Variants in PPL observed in about 807,000 individuals in gnomAD.
PPL encodes periplakin.
In PPL, 198 loss-of-function variants were observed where a neutral mutation model predicts 194.4. The observed-to-expected ratio is 1.02, with a 90% CI of 0.91 to 1.15. The LOEUF (loss-of-function observed/expected upper bound fraction) is 1.15. Among genes scored for constraint, PPL ranks in the 50% most tolerant of loss-of-function variants. PPL has a pLI of 0.00. For missense variants in PPL, 2,885 were observed against 2,294.8 expected (o/e 1.26, Z -5.25); for synonymous variants, 1,220 against 972.4 (o/e 1.25, Z -4.74).
Position 4,883,068 on chromosome 16 carries a change from T to G in PPL, c.*316A>C, listed in dbSNP as rs1596539115. On this transcript the variant is annotated 3_prime_UTR_variant, in exon 22 of 22. Coordinates refer to ENST00000345988, the MANE Select transcript of PPL (RefSeq NM_002705.5). The surrounding 1 kb of genome is among the most constrained non-coding windows in gnomAD (Gnocchi z 4.8). ...GTGGTTGGCTTGTCCTTCAGTGGTT[T>G]TCAGATTGTGTGCAGTTATCATGAG... The G allele has an allele frequency of 3.0e-6, 1 of 334,362 alleles. No homozygotes were observed. Among genetic ancestry groups the G allele is most frequent in the Non-Finnish European group, 5.6e-6 (1 of 178,194 alleles). 20.7% of individuals were successfully genotyped at this position (334,362 alleles called of 1,614,324 possible).
At chr16:4,922,137 C>G (rs1451125765) in intron 1 of PPL, among the ~76,000 whole-genome samples, 2 of 152,214 alleles carry the variant, frequency 1.3e-5, no homozygotes, top group Non-Finnish European at 2.9e-5. Flanking sequence ...CAAAGCCAGA[C>G]AGCCCGGGGT....
chr16:4,907,003 G>T (rs1411634294), intron 2 of PPL, among the ~76,000 whole-genome samples: 16 of 151,306 alleles, frequency 1.1e-4, no homozygotes, highest in African/African-American at 3.9e-4. Context: ...CCAGCACTCT[G>T]CGAGGCCCAG....
chr16:4,913,485 C>A (rs1431198696), intron 1 of PPL, among the ~76,000 whole-genome samples: 2 of 152,178 alleles, frequency 1.3e-5, no homozygotes, highest in Non-Finnish European at 2.9e-5. Context: ...CAGAATAAGT[C>A]TGAACAAAGG....
intron 12 of PPL, chr16:4,893,846 A>G: frequency 3.5e-6 from 2 of 576,004 alleles, no homozygotes; most frequent in Non-Finnish European, 6.2e-6. Flanking sequence ...TTTCGTAGGA[A>G]GTCTCACTAC....
At chr16:4,930,273 C>A (rs1045360801) in intron 1 of PPL, among the ~76,000 whole-genome samples, 11 of 152,174 alleles carry the variant, frequency 7.2e-5, no homozygotes, top group African/African-American at 2.7e-4. Flanking sequence ...TCCTTTATCT[C>A]ACTATCACTC....
At chr16:4,936,513 G>C (rs1479572662) in intron 1 of PPL, among the ~76,000 whole-genome samples, 3 of 152,226 alleles carry the variant, frequency 2.0e-5, no homozygotes, top group Middle Eastern at 3.2e-3. Flanking sequence ...CCCGACGCCA[G>C]CTCAGTTTCC....
At chr16:4,894,012 T>C (rs756635896) in intron 12 of PPL, among the ~76,000 whole-genome samples, 6 of 152,138 alleles carry the variant, frequency 3.9e-5, no homozygotes, top group Non-Finnish European at 8.8e-5. Context: ...ACCAGGTACT[T>C]AACTAGGCCC....
At chr16:4,909,786 C>A (rs111622842) in intron 2 of PPL, among the ~76,000 whole-genome samples, 1 of 152,198 alleles carries the variant, frequency 6.6e-6, no homozygotes, top group African/African-American at 2.4e-5. Context: ...TACAGATCAC[C>A]ACTTACACTT....
chr16:4,917,382 T>C (rs1457060887), intron 1 of PPL, among the ~76,000 whole-genome samples: 1 of 152,156 alleles, frequency 6.6e-6, no homozygotes, highest in Non-Finnish European at 1.5e-5. Context: ...GAGAATGTTA[T>C]GCTCAGTGAG....
Position 4,885,180 on chromosome 16 carries a change from A to C in PPL, c.3475T>G (p.Trp1159Gly), listed in dbSNP as rs762357647. 3 of 1,613,812 alleles carry C rather than the reference A, an allele frequency of 1.9e-6. No individual in the cohort carries two copies. The highest frequency in any genetic ancestry group is 2.7e-5 in the African/African-American group (2 of 74,924). The change falls in exon 22 of 22, where the codon TGG (tryptophan) becomes GGG (glycine). Residue 1159 changes from tryptophan to glycine, a missense_variant. Coordinates refer to ENST00000345988, the MANE Select transcript of PPL (RefSeq NM_002705.5). This position sits in a 1 kb window ranked among gnomAD's most constrained non-coding sequence, Gnocchi z 6.3. ...REKTELLRKIWALEEENAKVV... is the reference protein window; with the variant it reads ...REKTELLRKIGALEEENAKVV... The stretch of plus-strand genomic sequence containing the variant: ...TTGGCGTTCTCCTCCTCCAAGGCCC[A>C]TATCTTTCGGAGCAGCTCCGTCTTC...
chr16:4,890,129 C>T (rs2088290855), intron 18 of PPL, 55 bp downstream of exon 18: 11 of 1,612,448 alleles, frequency 6.8e-6, no homozygotes, highest in East Asian at 2.2e-5. Context: ...GGCTTGTTGA[C>T]CTCTGACCCT....
chr16:4,904,785 A>C (rs934433299), intron 2 of PPL, among the ~76,000 whole-genome samples: 3 of 152,148 alleles, frequency 2.0e-5, no homozygotes, highest in Admixed American at 6.5e-5. Context: ...GGGGCTCTGC[A>C]GAGAGGACAG....
intron 2 of PPL, among the ~76,000 whole-genome samples, chr16:4,908,411 C>T (rs1425538358): frequency 1.1e-5 from 1 of 89,252 alleles, no homozygotes; most frequent in African/African-American, 4.0e-5. Context: ...AGGTTAAACC[C>T]TCTTCCTTCT....
chr16:4,892,984 A>G, intron 14 of PPL: 1 of 491,118 alleles, frequency 2.0e-6, no homozygotes, highest in South Asian at 4.7e-5. Context: ...CAGATCGACA[A>G]GCCGTGCAGG....
At chr16:4,900,539 A>G (rs1170836041) in intron 6 of PPL, among the ~76,000 whole-genome samples, 1 of 143,400 alleles carries the variant, frequency 7.0e-6, no homozygotes, top group East Asian at 2.2e-4. Flanking sequence ...TCCTGGGCTC[A>G]AGCGATCCTC....
intron 1 of PPL, among the ~76,000 whole-genome samples, chr16:4,911,737 C>A (rs1359917178): frequency 6.6e-6 from 1 of 151,940 alleles, no homozygotes; most frequent in Non-Finnish European, 1.5e-5. Context: ...GGGGTTTCAC[C>A]ATGTCACCCA....
chr16:4,902,632 T>A lies in PPL; in HGVS notation c.318-106A>T. The stretch of plus-strand genomic sequence containing the variant: ...GCCTCAGTGTCCTGGAAGGACACAG[T>A]GACCATATGGCCTTGGGTTCCAGAC... On this transcript the variant is annotated intron_variant, in intron 3 of 21. Coordinates refer to ENST00000345988, the MANE Select transcript of PPL (RefSeq NM_002705.5). The surrounding 1 kb of genome is among the most constrained non-coding windows in gnomAD (Gnocchi z 4.0). The A allele has an allele frequency of 2.3e-6, 3 of 1,292,508 alleles. No individual in the cohort carries two copies. The highest frequency in any genetic ancestry group is 3.2e-6 in the Non-Finnish European group (3 of 937,112). The allele number at this position is 1,292,508 out of a possible 1,614,324, so 80.1% of individuals were successfully genotyped here. A position where few individuals can be genotyped will look rare whatever the true frequency, so the allele number is the denominator to read the frequency against.
intron 1 of PPL, among the ~76,000 whole-genome samples, chr16:4,930,613 C>T (rs947052493): frequency 1.6e-4 from 24 of 152,144 alleles, no homozygotes; most frequent in Admixed American, 1.4e-3. Flanking sequence ...GTGGCTACCC[C>T]GGAGTCACAT....
intron 1 of PPL, among the ~76,000 whole-genome samples, chr16:4,911,920 T>C (rs926594224): frequency 5.9e-5 from 9 of 152,114 alleles, no homozygotes; most frequent in Non-Finnish European, 1.0e-4. Context: ...CACTATAGCC[T>C]CGAACTCCTG....
Sources: allele counts gnomAD v4.1 joint callset (sites outside exome capture counted in the v4.1 genomes callset), GRCh38; gene constraint gnomAD v4.1.1; non-coding constraint Gnocchi (gnomAD v3.1); transcripts MANE v1.5; gene names NCBI Gene and HGNC (gene_info 2026-07-23, HGNC 2026-07-21).